STXBP3: variants seen among roughly 807,000 people sequenced by gnomAD.
STXBP3 encodes the protein syntaxin-binding protein 3.
In STXBP3, 41 loss-of-function variants were observed where a neutral mutation model predicts 85.7. The ratio of observed to expected loss-of-function variants is 0.48; its 90% CI spans 0.37 to 0.62. STXBP3 has a LOEUF of 0.62. Among genes scored for constraint, STXBP3 ranks in the 20% least tolerant of loss-of-function variants. The pLI is 0.00. For missense variants in STXBP3, 563 were observed against 703.1 expected (o/e 0.80, Z 2.25); for synonymous variants, 229 against 231.7 (o/e 0.99, Z 0.10).
At chr1:108,756,234 A>G (rs1458589685) in intron 3 of STXBP3, among the ~76,000 whole-genome samples, 1 of 152,194 alleles carries the variant, frequency 6.6e-6, no homozygotes, top group Non-Finnish European at 1.5e-5. Context: ...ATAGGCGTTA[A>G]TTGGCAATTT....
chr1:108,776,819 T>C (rs185209133), intron 8 of STXBP3, among the ~76,000 whole-genome samples: 1 of 152,318 alleles, frequency 6.6e-6, no homozygotes, highest in Admixed American at 6.5e-5. Flanking sequence ...GAATAATGCT[T>C]GCCAATGTGT....
In STXBP3 at chr1:108,794,781, A is replaced by G. The variant is rs202093989; in HGVS notation, c.1030-46A>G. 290 of 1,555,086 alleles carry G rather than the reference A, an allele frequency of 1.9e-4. 3 individuals carry two copies. The African/African-American group carries it at 3.2e-3, about 17-fold the overall frequency. ...AAAGTTTAATATTACCAGTTGCACA[A>G]AAGTCATTAAAATCCTTTAAATGAT... On this transcript the variant is annotated intron_variant, in intron 12 of 18. Coordinates refer to ENST00000370008, the MANE Select transcript of STXBP3 (RefSeq NM_007269.4).
chr1:108,777,984 T>C (rs769200937), intron 8 of STXBP3, among the ~76,000 whole-genome samples: 5 of 152,166 alleles, frequency 3.3e-5, no homozygotes, highest in Non-Finnish European at 7.4e-5. Context: ...GATTCCATAA[T>C]TGTGGTTCAT....
Position 108,759,977 on chromosome 1 carries a change from C to G in STXBP3, c.338-8C>G. On this transcript the variant is annotated splice_polypyrimidine_tract_variant and splice_region_variant and intron_variant, in intron 5 of 18. Transcript: ENST00000370008. Reference sequence around the variant, plus strand: ...GTAACTATATGCTTTGTTTTTTTTTCCCCTCAGTTTGCCCTGATAATCTCT... The same window carrying G: ...GTAACTATATGCTTTGTTTTTTTTTGCCCTCAGTTTGCCCTGATAATCTCT... 2 of 1,477,536 alleles carry G rather than the reference C, an allele frequency of 1.4e-6. No homozygotes were observed. Among genetic ancestry groups the G allele is most frequent in the Non-Finnish European group, 1.8e-6 (2 of 1,093,936 alleles). 91.5% of individuals were successfully genotyped at this position (1,477,536 alleles called of 1,614,324 possible).
At chr1:108,759,192 T>C (rs867197440) in intron 5 of STXBP3, 54 of 152,346 alleles carry the variant, frequency 3.5e-4, no homozygotes, top group African/African-American at 1.3e-3. Context: ...AGTTAAGTCT[T>C]GGTCTCTGCT....
chr1:108,804,273 C>G (rs565122496), intron 17 of STXBP3, among the ~76,000 whole-genome samples: 35 of 152,086 alleles, frequency 2.3e-4, no homozygotes, highest in Non-Finnish European at 4.4e-4. Context: ...CTTTAGGTCT[C>G]TCTTACACTG....
intron 6 of STXBP3, among the ~76,000 whole-genome samples, chr1:108,768,797 C>T (rs1662321473): frequency 6.6e-6 from 1 of 152,126 alleles, no homozygotes; most frequent in African/African-American, 2.4e-5. Flanking sequence ...TGGACATCAG[C>T]ACATTTAGAA....
chr1:108,748,062 G>C (rs552852329), intron 1 of STXBP3, among the ~76,000 whole-genome samples: 1 of 152,134 alleles, frequency 6.6e-6, no homozygotes, highest in Non-Finnish European at 1.5e-5. Context: ...TTTTCCTTCT[G>C]ATCCTCATAC....
intron 1 of STXBP3, among the ~76,000 whole-genome samples, chr1:108,749,619 T>A (rs762959407): frequency 3.9e-5 from 6 of 152,340 alleles, no homozygotes; most frequent in Non-Finnish European, 7.4e-5. Context: ...TAGTATTTGT[T>A]GATATGATTT....
intron 16 of STXBP3, 73 bp from the exon 17 acceptor site, chr1:108,800,147 T>A: frequency 9.4e-7 from 1 of 1,062,058 alleles, no homozygotes; most frequent in South Asian, 1.3e-5. Flanking sequence ...CAAATGCAAG[T>A]TTTGACCTTT....
Position 108,782,489 on chromosome 1 carries a change from C to A in STXBP3, c.877C>A (p.Arg293=). Residue 293 remains arginine, a synonymous_variant, in exon 10 of 19, where the codon CGA becomes AGA. Coordinates refer to ENST00000370008, the MANE Select transcript of STXBP3 (RefSeq NM_007269.4). The part of the protein sequence containing the change: ...EEEDDLWVRI[R]HRHIAVVLEE... The stretch of plus-strand genomic sequence containing the variant: ...AGAAGATGACCTCTGGGTTAGAATT[C>A]GACATCGACATATTGCGGTTGTGTT... 1 of 1,613,384 alleles carries A rather than the reference C, an allele frequency of 6.2e-7. No homozygotes were observed.
intron 17 of STXBP3, among the ~76,000 whole-genome samples, chr1:108,800,849 CTG>C (rs1381038076): frequency 8.5e-5 from 13 of 152,184 alleles, no homozygotes; most frequent in Non-Finnish European, 1.5e-4. Flanking sequence ...CAGCCTTTAA[CTG>C]TGTTGTGTCT....
At chr1:108,783,973 A>AT (rs1662775650) in intron 11 of STXBP3, among the ~76,000 whole-genome samples, 1 of 135,432 alleles carries the variant, frequency 7.4e-6, no homozygotes, top group Non-Finnish European at 1.6e-5. Flanking sequence ...TCTTTTGCCC[A>AT]TTTTTAATTG....
At chr1:108,773,853 A>C (rs1302004736) in intron 7 of STXBP3, among the ~76,000 whole-genome samples, 1 of 151,964 alleles carries the variant, frequency 6.6e-6, no homozygotes, top group African/African-American at 2.4e-5. Flanking sequence ...TTTCCTCTGC[A>C]TTATATCGAG....
intron 11 of STXBP3, 40 bp downstream of exon 11, chr1:108,782,746 G>T: frequency 6.6e-7 from 1 of 1,508,698 alleles, no homozygotes; most frequent in South Asian, 1.2e-5. Context: ...TAGTGAAGGT[G>T]AATTTTAAAG....
intron 3 of STXBP3, among the ~76,000 whole-genome samples, chr1:108,755,949 G>A (rs567475038): frequency 1.3e-5 from 2 of 152,180 alleles, no homozygotes; most frequent in African/African-American, 2.4e-5. Flanking sequence ...TCTCTTGCCC[G>A]TCACATTAAT....
chr1:108,798,347 C>T (rs1663158294), intron 16 of STXBP3, 110 bp downstream of exon 16: 2 of 674,224 alleles, frequency 3.0e-6, no homozygotes, highest in African/African-American at 1.9e-5. Flanking sequence ...GAAGTTTCTG[C>T]AGTGGTTGGA....
chr1:108,782,194 C>A, intron 9 of STXBP3: 1 of 419,526 alleles, frequency 2.4e-6, no homozygotes, highest in Non-Finnish European at 4.2e-6. Context: ...CTAATAATGG[C>A]ACCTAAACTG....
chr1:108,752,398 G>T, intron 2 of STXBP3, 92 bp downstream of exon 2: 3 of 1,160,984 alleles, frequency 2.6e-6, no homozygotes, highest in Non-Finnish European at 2.5e-6. Flanking sequence ...ATGGTATTAG[G>T]TATTCTAGTA....
Sources: allele counts gnomAD v4.1 joint callset (sites outside exome capture counted in the v4.1 genomes callset), GRCh38; gene constraint gnomAD v4.1.1; transcripts MANE v1.5; gene names NCBI Gene and HGNC (gene_info 2026-07-23, HGNC 2026-07-21).